The following EIPR1 variants were observed in gnomAD, a reference collection of about 807,000 sequenced individuals.
EIPR1 encodes the protein EARP and GARP complex-interacting protein 1.
EIPR1 carries 25 observed loss-of-function variants against 48.1 expected under a neutral mutation model. That is an observed-to-expected ratio of 0.52 (90% CI 0.38 to 0.73). The LOEUF (loss-of-function observed/expected upper bound fraction) is 0.73, where lower values mean the gene tolerates loss of function less well. Ranked by LOEUF, EIPR1 falls within the 30% of genes least tolerant of loss-of-function variation. The pLI is 0.00. For missense variants in EIPR1, 415 were observed against 506.2 expected, an observed-to-expected ratio of 0.82 and a Z score of 1.73; for synonymous variants, 204 against 201.9, an observed-to-expected ratio of 1.01 and a Z score of -0.09.
rs139174537 is a variant in EIPR1 at position 3,323,378 on chromosome 2, C to T, written c.259+14639G>A. ...TGCCCCCAGTATCCCCGGCTTCCTA[C>T]GACAAATCTGACACCATGAGGACAT... On this transcript the variant is annotated intron_variant, in intron 3 of 8. Transcript: ENST00000382125. Among the ~76,000 whole-genome samples, 207 of 152,272 alleles carry T rather than the reference C, an allele frequency of 1.4e-3. 1 individual carries two copies. Among genetic ancestry groups the T allele is most frequent in the African/African-American group, 4.8e-3 (198 of 41,552 alleles).
chr2:3,320,131 A>ACCCCTGCGGGCAACACCC (rs1669478682), intron 3 of EIPR1: 1 of 156,916 alleles, frequency 6.4e-6, no homozygotes. Flanking sequence ...GGGCAACACC[A>ACCCCTGCGGGCAACACCC]CCCCTGCGGG....
chr2:3,343,537 G>A (rs1250548081), intron 2 of EIPR1, among the ~76,000 whole-genome samples: 4 of 152,136 alleles, frequency 2.6e-5, no homozygotes, highest in South Asian at 4.2e-4. Flanking sequence ...TGTGTTAATC[G>A]TTTATGATAA....
chr2:3,307,707 A>T (rs1668990979), intron 3 of EIPR1, among the ~76,000 whole-genome samples: 1 of 152,246 alleles, frequency 6.6e-6, no homozygotes. Flanking sequence ...GAAGTGAGGC[A>T]GGGATGAAGA....
chr2:3,291,527 G>A (rs555251301), intron 3 of EIPR1, among the ~76,000 whole-genome samples: 13 of 152,166 alleles, frequency 8.5e-5, no homozygotes, highest in South Asian at 8.3e-4. Context: ...TCATAAAAAC[G>A]TCATAATTTA....
chr2:3,348,265 G>A (rs1670464196), intron 2 of EIPR1, among the ~76,000 whole-genome samples: 1 of 152,130 alleles, frequency 6.6e-6, no homozygotes, highest in African/African-American at 2.4e-5. Flanking sequence ...CGAGGACCCT[G>A]GTCACCGGGG....
At chr2:3,191,431 G>T (rs185785572) in intron 8 of EIPR1, among the ~76,000 whole-genome samples, 3 of 152,284 alleles carry the variant, frequency 2.0e-5, no homozygotes. Flanking sequence ...CAATCAGATG[G>T]TCCCATCGCC....
At position 3,312,397 on chromosome 2, in the gene EIPR1, T is replaced by C. The variant is rs901278518; in HGVS notation, c.259+25620A>G. 2.0e-5 allele frequency among the ~76,000 whole-genome samples: 3 copies of C among 152,142 alleles called. No homozygotes were observed. Among genetic ancestry groups the C allele is most frequent in the Admixed American group, 6.5e-5 (1 of 15,276 alleles). On this transcript the variant is annotated intron_variant, in intron 3 of 8. Coordinates refer to ENST00000382125, the MANE Select transcript of EIPR1 (RefSeq NM_003310.5). The surrounding 1 kb of genome is among the most constrained non-coding windows in gnomAD (Gnocchi z 5.5). Reference sequence around the variant, plus strand: ...CAGTCCCTGGAAGGTTCTGTGTGCCTGCTGTGGGGATGAGACTCACGTCTG... The same window carrying C: ...CAGTCCCTGGAAGGTTCTGTGTGCCCGCTGTGGGGATGAGACTCACGTCTG...
intron 4 of EIPR1, among the ~76,000 whole-genome samples, chr2:3,243,628 T>A (rs968183363): frequency 1.3e-5 from 2 of 151,960 alleles, no homozygotes; most frequent in Non-Finnish European, 2.9e-5. Flanking sequence ...TAAGACTCCA[T>A]CTCAAAAAAA....
intron 5 of EIPR1, among the ~76,000 whole-genome samples, chr2:3,198,707 C>A (rs62119000): frequency 0.034 from 5,166 of 152,144 alleles, 135 homozygotes; most frequent in Middle Eastern, 0.054. Flanking sequence ...GTAAAACCAG[C>A]AAGTTTTTAT....
chr2:3,338,781 A>T (rs1670144368), intron 2 of EIPR1, among the ~76,000 whole-genome samples: 1 of 152,234 alleles, frequency 6.6e-6, no homozygotes, highest in Non-Finnish European at 1.5e-5. Flanking sequence ...CTCTATAAGA[A>T]AGTTAAATAT....
chr2:3,219,690 A>G (rs1665801479), intron 4 of EIPR1, among the ~76,000 whole-genome samples: 1 of 150,518 alleles, frequency 6.6e-6, no homozygotes, highest in African/African-American at 2.5e-5. Context: ...GTGCACACCC[A>G]ACACAACCCT....
At chr2:3,279,843 G>A (rs557546510) in intron 3 of EIPR1, among the ~76,000 whole-genome samples, 1 of 152,286 alleles carries the variant, frequency 6.6e-6, no homozygotes, top group Admixed American at 6.5e-5. Context: ...CATGCCAAAC[G>A]ATTCACTGGA....
intron 1 of EIPR1, among the ~76,000 whole-genome samples, chr2:3,367,978 G>A (rs892879779): frequency 6.6e-6 from 1 of 152,158 alleles, no homozygotes; most frequent in African/African-American, 2.4e-5. Flanking sequence ...CCGGGAGGCG[G>A]AGCTTGCAGT....
chr2:3,284,562 C>T (rs1294583064), intron 3 of EIPR1, among the ~76,000 whole-genome samples: 1 of 152,276 alleles, frequency 6.6e-6, no homozygotes, highest in Non-Finnish European at 1.5e-5. Flanking sequence ...CCCAAATGTA[C>T]TCAATCTCTA....
chr2:3,206,508 G>C (rs372265219), intron 5 of EIPR1, among the ~76,000 whole-genome samples: 21 of 152,276 alleles, frequency 1.4e-4, no homozygotes, highest in African/African-American at 5.1e-4. Flanking sequence ...ATGTACACAG[G>C]GCATCAGCTG....
rs1558231391 is a variant in EIPR1 at position 3,219,338 on chromosome 2, A to ACG, written c.417-5091_417-5090insCG. Among the ~76,000 whole-genome samples, 2 of 36,224 alleles carry ACG rather than the reference A, an allele frequency of 5.5e-5. 1 individual carries two copies. The highest frequency in any genetic ancestry group is 6.0e-4 in the Admixed American group (2 of 3,324). The allele number at this position is 36,224 out of a possible 152,430, so 23.8% of individuals were successfully genotyped here. A position where few individuals can be genotyped will look rare whatever the true frequency, so the allele number is the denominator to read the frequency against. On this transcript the variant is annotated intron_variant, in intron 4 of 8. Coordinates refer to ENST00000382125, the MANE Select transcript of EIPR1 (RefSeq NM_003310.5). Reference sequence around the variant, plus strand: ...TGCACACTCAACACGACCCTGGTATAATCTAGAGCATTCACAGTGACTCAG... The same window carrying ACG: ...TGCACACTCAACACGACCCTGGTATACGATCTAGAGCATTCACAGTGACTCAG...
At chr2:3,331,116 TGAG>T (rs1256012119) in intron 3 of EIPR1, among the ~76,000 whole-genome samples, 1 of 122,242 alleles carries the variant, frequency 8.2e-6, no homozygotes, top group Non-Finnish European at 1.8e-5. Context: ...CACACACTCC[TGAG>T]GTGGTGTGAG....
At chr2:3,343,376 G>T (rs542156982) in intron 2 of EIPR1, among the ~76,000 whole-genome samples, 2 of 152,350 alleles carry the variant, frequency 1.3e-5, no homozygotes, top group East Asian at 3.9e-4. Context: ...ATGCGAGAAA[G>T]AAACACCGTA....
intron 1 of EIPR1, among the ~76,000 whole-genome samples, chr2:3,363,915 C>T (rs1670911915): frequency 6.6e-6 from 1 of 151,696 alleles, no homozygotes; most frequent in African/African-American, 2.4e-5. Context: ...GAAAACATGC[C>T]CAACATCACT....
Sources: allele counts gnomAD v4.1 joint callset (sites outside exome capture counted in the v4.1 genomes callset), GRCh38; gene constraint gnomAD v4.1.1; non-coding constraint Gnocchi (gnomAD v3.1); transcripts MANE v1.5; gene names NCBI Gene and HGNC (gene_info 2026-07-23, HGNC 2026-07-21).